CCNB3: variants seen among roughly 807,000 people sequenced by gnomAD.
The protein encoded by CCNB3 is cyclin B3, also known as G2/mitotic-specific cyclin-B3.
Under a neutral mutation model 68.0 loss-of-function variants are expected in CCNB3, and 12 were observed. The ratio of observed to expected loss-of-function variants is 0.18; its 90% CI spans 0.11 to 0.29. The LOEUF (loss-of-function observed/expected upper bound fraction) is 0.29. CCNB3 is among the 10% of genes least tolerant of loss of function. CCNB3 has a pLI of 1.00. For synonymous variants in CCNB3, 354 were observed against 388.9 expected (o/e 0.91, Z 1.06); for missense variants, 904 against 993.1 (o/e 0.91, Z 1.21).
intron 11 of CCNB3, among the ~76,000 whole-genome samples, chrX:50,350,685 C>G: frequency 9.2e-6 from 1 of 108,432 alleles, no homozygotes; most frequent in Non-Finnish European, 1.9e-5. Context: ...CATCTGTGAC[C>G]AGGGCTAATA....
At chrX:50,206,121 C>A (rs1557205467) in intron 1 of CCNB3, among the ~76,000 whole-genome samples, 1 of 109,478 alleles carries the variant, frequency 9.1e-6, no homozygotes, top group East Asian at 2.9e-4. Context: ...TGGTGGCATG[C>A]GTCTATAGCT....
intron 9 of CCNB3, among the ~76,000 whole-genome samples, chrX:50,344,082 C>T (rs1557219968): frequency 8.9e-6 from 1 of 112,067 alleles, no homozygotes; most frequent in Non-Finnish European, 1.9e-5. Flanking sequence ...TGTTACTGTA[C>T]TTTTTCTGTT....
At chrX:50,346,535 A>G (rs1602253480) in intron 9 of CCNB3, 117 bp from the exon 10 acceptor site, 2 of 743,089 alleles carry the variant, frequency 2.7e-6, no homozygotes, top group East Asian at 6.6e-5. Context: ...AGTCTCAGAG[A>G]TACCCTGAAG....
At chrX:50,282,243 T>A (rs912804118) in intron 1 of CCNB3, among the ~76,000 whole-genome samples, 2 of 111,392 alleles carry the variant, frequency 1.8e-5, no homozygotes, top group Admixed American at 1.9e-4. Context: ...GGAAAGGGAC[T>A]TGCCCAGTGT....
At chrX:50,226,704 T>C in intron 1 of CCNB3, among the ~76,000 whole-genome samples, 1 of 80,048 alleles carries the variant, frequency 1.2e-5, no homozygotes, top group South Asian at 5.5e-4. Context: ...AGAATATACA[T>C]ATGAATATGT....
intron 1 of CCNB3, among the ~76,000 whole-genome samples, chrX:50,227,209 A>G (rs1280678758): frequency 3.6e-5 from 3 of 82,354 alleles, no homozygotes; most frequent in Non-Finnish European, 6.6e-5. Flanking sequence ...GAATATATAT[A>G]AATATATACA....
At chrX:50,289,208 GA>G (rs201958837) in intron 4 of CCNB3, among the ~76,000 whole-genome samples, 2,597 of 111,670 alleles carry the variant, frequency 0.023, 64 homozygotes, top group African/African-American at 0.081. Context: ...TATTTTAGTG[GA>G]ATCATTGTAG....
chrX:50,315,549 A>C (rs782292373), intron 8 of CCNB3, among the ~76,000 whole-genome samples: 87 of 111,934 alleles, frequency 7.8e-4, no homozygotes, highest in African/African-American at 2.8e-3. Flanking sequence ...CATGGTCAGG[A>C]AATGGACTTT....
chrX:50,212,029 G>A (rs1279858950), intron 1 of CCNB3, among the ~76,000 whole-genome samples: 1 of 111,722 alleles, frequency 9.0e-6, no homozygotes, highest in African/African-American at 3.3e-5. Context: ...CAATAGTGAT[G>A]GTGTTGATAA....
At chrX:50,207,199 T>C (rs1459644015) in intron 1 of CCNB3, among the ~76,000 whole-genome samples, 1 of 111,899 alleles carries the variant, frequency 8.9e-6, no homozygotes, top group African/African-American at 3.3e-5. Context: ...GTGTACAACC[T>C]AGCAGTGGCT....
At chrX:50,220,761 T>G (rs1332349383) in intron 1 of CCNB3, among the ~76,000 whole-genome samples, 1 of 111,834 alleles carries the variant, frequency 8.9e-6, no homozygotes, top group Admixed American at 9.5e-5. Flanking sequence ...CTGCCAGGTT[T>G]TGTTATCAGG....
At chrX:50,228,788 TATATATAGAATAG>T (rs1198882368) in intron 1 of CCNB3, among the ~76,000 whole-genome samples, 2 of 75,502 alleles carry the variant, frequency 2.6e-5, no homozygotes, top group Admixed American at 3.8e-4. Context: ...ATATAGAATA[TATATATAGAATAG>T]ATATATAGAA....
rs1421922407 is a variant in CCNB3 at position 50,228,712 on chromosome X, A to G, written c.-113+23762A>G. Among the ~76,000 whole-genome samples, 7 of 67,529 alleles carry G rather than the reference A, an allele frequency of 1.0e-4. No individual in the cohort carries two copies. The East Asian group carries it at 2.6e-3, about 25-fold the overall frequency. The allele number at this position is 67,529 out of a possible 115,157, so 58.6% of individuals were successfully genotyped here. A position where few individuals can be genotyped will look rare whatever the true frequency, so the allele number is the denominator to read the frequency against. On this transcript the variant is annotated intron_variant, in intron 1 of 12. Coordinates refer to ENST00000376042, the MANE Select transcript of CCNB3 (RefSeq NM_033031.3). ...TATACATAGAATATATATAGAATAT[A>G]TATAAAGAATATATATAGAATATAG...
chrX:50,324,948 G>C (rs911590280), intron 8 of CCNB3, among the ~76,000 whole-genome samples: 1 of 109,928 alleles, frequency 9.1e-6, no homozygotes, highest in Non-Finnish European at 1.9e-5. Context: ...TAAATTTCTA[G>C]AGGTATTTCA....
At chrX:50,214,472 G>T (rs1480267814) in intron 1 of CCNB3, among the ~76,000 whole-genome samples, 2 of 2,871 alleles carry the variant, frequency 7.0e-4, no homozygotes, top group East Asian at 0.013. Context: ...TTTAGCTGTG[G>T]CCCATATATA....
chrX:50,349,684 G>A (rs1324547098), intron 11 of CCNB3, among the ~76,000 whole-genome samples: 1 of 111,778 alleles, frequency 8.9e-6, no homozygotes, highest in Non-Finnish European at 1.9e-5. Flanking sequence ...CCCTTTGCCG[G>A]TGGTGGTGGT....
intron 8 of CCNB3, among the ~76,000 whole-genome samples, chrX:50,320,438 T>G (rs1437404583): frequency 9.0e-6 from 1 of 110,575 alleles, no homozygotes; most frequent in Admixed American, 9.7e-5. Flanking sequence ...CCTCTTTCAT[T>G]CCTGATACTG....
intron 1 of CCNB3, among the ~76,000 whole-genome samples, chrX:50,227,460 A>G (rs1215931652): frequency 1.1e-5 from 1 of 88,551 alleles, no homozygotes; most frequent in Non-Finnish European, 2.1e-5. Flanking sequence ...ATATATAGAG[A>G]ATATATATCT....
chrX:50,279,425 TATATATAAATATATATATAA>T (rs1273645863), intron 1 of CCNB3, among the ~76,000 whole-genome samples: 5 of 71,852 alleles, frequency 7.0e-5, no homozygotes, highest in Non-Finnish European at 1.2e-4. Flanking sequence ...AATATATAAA[TATATATAAATATATATATAA>T]ATATATAAAT....
Sources: gnomAD v4.1 joint callset for allele counts (sites outside exome capture counted in the v4.1 genomes callset) on GRCh38, gnomAD v4.1.1 for gene constraint, MANE v1.5 for transcripts, NCBI Gene and HGNC (gene_info 2026-07-23, HGNC 2026-07-21) for gene names.